NMRK2: variants seen among roughly 807,000 people sequenced by gnomAD.
NMRK2 encodes NRK 2.
Under a neutral mutation model 24.7 loss-of-function variants are expected in NMRK2, and 34 were observed. The observed-to-expected ratio is 1.37, with a 90% CI of 1.05 to 1.83. NMRK2 has a LOEUF of 1.83. Ranked by LOEUF, NMRK2 falls within the 40% of genes most tolerant of loss-of-function variation. The probability of loss-of-function intolerance (pLI) is 0.00; values close to 1 mark genes in which losing one functional copy is unlikely to be tolerated. For synonymous variants in NMRK2, 145 were observed against 125.6 expected (o/e 1.15, Z -1.03); for missense variants, 341 against 315.0 (o/e 1.08, Z -0.62).
chr19:3,942,372 A>G lies in NMRK2; in HGVS notation c.*99A>G. On this transcript the variant is annotated 3_prime_UTR_variant, in exon 8 of 8. Coordinates refer to ENST00000168977, the MANE Select transcript of NMRK2 (RefSeq NM_170678.3). ...GGACTGAGCCCCAAGACGCCTCTGTAACCTCGCTGCAGCTTCAGTAGTAAA... is the reference window on the plus strand; with the variant it reads ...GGACTGAGCCCCAAGACGCCTCTGTGACCTCGCTGCAGCTTCAGTAGTAAA... 9.4e-7 allele frequency: 1 copy of G among 1,066,748 alleles called. No homozygotes were observed. Among genetic ancestry groups the G allele is most frequent in the Non-Finnish European group, 1.3e-6 (1 of 747,288 alleles). The allele number at this position is 1,066,748 out of a possible 1,614,324, so 66.1% of individuals were successfully genotyped here.
intron 4 of NMRK2, 66 bp from the exon 5 acceptor site, chr19:3,938,537 T>C: frequency 7.0e-7 from 1 of 1,427,452 alleles, no homozygotes; most frequent in Non-Finnish European, 9.3e-7. Flanking sequence ...CCTCCTGCAA[T>C]GCCCGCTCCC....
At chr19:3,937,182 G>C (rs565143046) in intron 3 of NMRK2, 58 bp from the exon 4 acceptor site, 141 of 1,583,286 alleles carry the variant, frequency 8.9e-5, no homozygotes, top group Non-Finnish European at 6.1e-6. Flanking sequence ...CCATCACCCA[G>C]GCCGGGGGTG....
chr19:3,939,880 G>A lies in NMRK2; in HGVS notation c.324-20G>A, dbSNP rs149777713. 3.7e-5 allele frequency: 59 copies of A among 1,608,720 alleles called. 1 individual carries two copies. In the African/African-American group the frequency reaches 6.5e-4, roughly 18 times the overall value. On this transcript the variant is annotated intron_variant, in intron 5 of 7. Coordinates refer to ENST00000168977, the MANE Select transcript of NMRK2 (RefSeq NM_170678.3). ...AGGAAAGCTCACAGGTGCTGACCGT[G>A]TCTCCCCCACTCCGCCCAGGCCCCT...
intron 3 of NMRK2, 28 bp downstream of exon 3, chr19:3,936,693 G>C (rs1282621536): frequency 2.6e-6 from 4 of 1,530,582 alleles, no homozygotes; most frequent in Non-Finnish European, 3.5e-6. Context: ...GGGAGGTGGA[G>C]CTGAGAGGGG....
chr19:3,941,005 A>G, intron 6 of NMRK2, 66 bp from the exon 7 acceptor site: 1 of 1,061,536 alleles, frequency 9.4e-7, no homozygotes, highest in East Asian at 2.5e-5. Flanking sequence ...CAGGCCCCCC[A>G]CCGGGGGTAT....
intron 2 of NMRK2, among the ~76,000 whole-genome samples, chr19:3,936,310 A>G (rs2039212073): frequency 6.6e-6 from 1 of 152,096 alleles, no homozygotes; most frequent in African/African-American, 2.4e-5. Context: ...CAGGAGGCTG[A>G]GGCAGGAGAA....
intron 6 of NMRK2, among the ~76,000 whole-genome samples, chr19:3,940,788 C>T (rs931205397): frequency 8.6e-5 from 13 of 151,588 alleles, no homozygotes; most frequent in Non-Finnish European, 1.9e-4. Context: ...CACATCCCAA[C>T]GCCACAGGCA....
intron 3 of NMRK2, 45 bp downstream of exon 3, chr19:3,936,710 G>A: frequency 1.3e-6 from 2 of 1,499,066 alleles, no homozygotes; most frequent in Non-Finnish European, 1.8e-6. Context: ...GGGGATGCAG[G>A]GTGGGCAGCC....
In NMRK2 at chr19:3,933,611, G is replaced by T; in HGVS notation, c.-61G>T. 1 of 1,512,604 alleles carries T rather than the reference G, an allele frequency of 6.6e-7. No individual in the cohort carries two copies. Among genetic ancestry groups the T allele is most frequent in the Non-Finnish European group, 8.8e-7 (1 of 1,131,148 alleles). The allele number at this position is 1,512,604 out of a possible 1,614,324, so 93.7% of individuals were successfully genotyped here. A position where few individuals can be genotyped will look rare whatever the true frequency, so the allele number is the denominator to read the frequency against. ...GCCGGGACGCACTCCGGAGCGCACT[G>T]CGTGGTCGCACCCTACCCGGGCTGC... On this transcript the variant is annotated 5_prime_UTR_variant, in exon 2 of 8. Transcript: ENST00000168977.
rs779524851 is a variant in NMRK2 at position 3,938,557 on chromosome 19, T to A, written c.167-46T>A. On this transcript the variant is annotated intron_variant, in intron 4 of 7. Transcript: ENST00000168977. The stretch of plus-strand genomic sequence containing the variant: ...TGCAATGCCCGCTCCCCGTCCACTA[T>A]CCCCCAGGGTCTGCCCTCCTGCAAT... 3 of 1,477,120 alleles carry A rather than the reference T, an allele frequency of 2.0e-6. No individual in the cohort carries two copies. The African/African-American group carries it at 4.3e-5, about 21-fold the overall frequency. 91.5% of individuals were successfully genotyped at this position (1,477,120 alleles called of 1,614,324 possible).
intron 2 of NMRK2, among the ~76,000 whole-genome samples, 167 bp from the exon 3 acceptor site, chr19:3,936,407 CA>C (rs141137993): frequency 5.3e-5 from 8 of 149,538 alleles, no homozygotes; most frequent in African/African-American, 1.2e-4. Context: ...GACTTGGTCT[CA>C]AAAAAAAAGA....
At position 3,937,288 on chromosome 19, in the gene NMRK2, G is replaced by A. The variant is rs376166990; in HGVS notation, c.166G>A (p.Val56Met). ...VGEDGFKQWD[V>M]LESLDMEAML... is the part of the protein sequence containing the mutation. ...GGAAGACGGCTTCAAACAGTGGGAC[G>A]GTAAGGACAAGCATCACCTCCAAGC... Residue 56 changes from valine (V) to methionine (M), a missense_variant and splice_region_variant, in exon 4 of 8, where the codon GTG (valine) becomes ATG (methionine). By Grantham distance (21) the Val-to-Met change is conservative. Coordinates refer to ENST00000168977, the MANE Select transcript of NMRK2 (RefSeq NM_170678.3). 1.5e-5 allele frequency: 24 copies of A among 1,612,922 alleles called. No individual in the cohort carries two copies. Among genetic ancestry groups the A allele is most frequent in the Middle Eastern group, 3.3e-4 (2 of 6,080 alleles).
chr19:3,933,869 G>T (rs768318509), intron 2 of NMRK2, among the ~76,000 whole-genome samples, 172 bp downstream of exon 2: 1 of 152,128 alleles, frequency 6.6e-6, no homozygotes, highest in African/African-American at 2.4e-5. Flanking sequence ...GGTGTCCCCA[G>T]TGGGAAGGGG....
intron 2 of NMRK2, among the ~76,000 whole-genome samples, chr19:3,933,903 T>C (rs116588273): frequency 0.02 from 3,087 of 151,986 alleles, 107 homozygotes; most frequent in African/African-American, 0.069. Context: ...GCCCAGTGTT[T>C]CATTTTTTAA....
intron 7 of NMRK2, among the ~76,000 whole-genome samples, 180 bp downstream of exon 7, chr19:3,941,357 C>T (rs1215755215): frequency 2.0e-5 from 3 of 151,196 alleles, no homozygotes; most frequent in African/African-American, 7.3e-5. Flanking sequence ...TCAAGCCATT[C>T]TCCTGCCTCA....
chr19:3,941,547 C>G (rs1217706049), intron 7 of NMRK2, among the ~76,000 whole-genome samples: 1 of 152,072 alleles, frequency 6.6e-6, no homozygotes, highest in African/African-American at 2.4e-5. Flanking sequence ...ACCACTGCAG[C>G]TGGCCACCAT....
intron 2 of NMRK2, among the ~76,000 whole-genome samples, chr19:3,935,233 T>A (rs1052346711): frequency 1.4e-5 from 2 of 147,920 alleles, no homozygotes; most frequent in Non-Finnish European, 1.5e-5. Context: ...GATATAGGTG[T>A]CCTCTTTTTC....
Position 3,942,310 on chromosome 19 carries a change from G to A in NMRK2, c.*37G>A, listed in dbSNP as rs1333547302. On this transcript the variant is annotated 3_prime_UTR_variant, in exon 8 of 8. Transcript: ENST00000168977. ...TGGGGGTGTCTGTACGTAGGAGAGT[G>A]GAGGCCCCACTCCCAGTTGGGCGTC... 9 of 1,546,878 alleles carry A rather than the reference G, an allele frequency of 5.8e-6. No homozygotes were observed. The highest frequency in any genetic ancestry group is 2.1e-4 in the Middle Eastern group (1 of 4,726).
chr19:3,935,930 A>G (rs1356484666), intron 2 of NMRK2, among the ~76,000 whole-genome samples: 2 of 151,572 alleles, frequency 1.3e-5, no homozygotes, highest in African/African-American at 4.8e-5. Context: ...ATCTGTAAAC[A>G]TAGGTGGGCC....
Sources: gnomAD v4.1 joint callset for allele counts (sites outside exome capture counted in the v4.1 genomes callset) on GRCh38, gnomAD v4.1.1 for gene constraint, MANE v1.5 for transcripts, NCBI Gene and HGNC (gene_info 2026-07-23, HGNC 2026-07-21) for gene names.